The following DNAH5 variants were observed in gnomAD, a reference collection of about 807,000 sequenced individuals.
The protein encoded by DNAH5 is dynein axonemal heavy chain 5, also known as axonemal beta dynein heavy chain 5.
A neutral mutation model predicts 518.2 loss-of-function variants in DNAH5; 372 were observed. That is an observed-to-expected ratio of 0.72 (90% CI 0.66 to 0.78). The LOEUF (loss-of-function observed/expected upper bound fraction) is 0.78. Among genes scored for constraint, DNAH5 ranks in the 30% least tolerant of loss-of-function variants. The probability of loss-of-function intolerance (pLI) is 0.00; values close to 1 mark genes in which losing one functional copy is unlikely to be tolerated. For missense variants in DNAH5, 5,523 were observed against 5,687.0 expected, an observed-to-expected ratio of 0.97 and a Z score of 0.93; for synonymous variants, 2,039 against 2,025.9, an observed-to-expected ratio of 1.01 and a Z score of -0.17.
chr5:13,891,055 T>A lies in DNAH5; in HGVS notation c.2498A>T (p.Glu833Val). Residue 833 changes from glutamate (E) to valine (V), a missense_variant, in exon 17 of 79, where the codon GAA (glutamate) becomes GTA (valine). Transcript: ENST00000265104. ...LIEFRIDAIL[E>V]EMSSTPLCQL... ...ACAAAGAGGCGTGCTGCTCATTTCT[T>A]CTAGAATGGCATCAATGCGGAACTC... is the stretch of plus-strand genomic sequence containing the variant. 1 of 1,614,164 alleles carries A rather than the reference T, an allele frequency of 6.2e-7. No homozygotes were observed. Among genetic ancestry groups the A allele is most frequent in the African/African-American group, 1.3e-5 (1 of 75,048 alleles).
Position 13,762,843 on chromosome 5 carries a change from T to C in DNAH5, c.10160A>G (p.Glu3387Gly). Residue 3387 changes from glutamate (E) to glycine (G), a missense_variant, in exon 60 of 79, where the codon GAA (glutamate) becomes GGA (glycine). By Grantham distance (98) the Glu-to-Gly change is moderately conservative (BLOSUM62 -2). Transcript: ENST00000265104. ...AGTTTCGATGTTATAGTCAGGCATT[T>C]CAAAGTAAGGACTCAAAAATTCTAT... The part of the protein sequence containing the change: ...EVIEFLSPYF[E>G]MPDYNIETAK... 6.2e-7 allele frequency: 1 copy of C among 1,614,088 alleles called. No homozygotes were observed. The highest frequency in any genetic ancestry group is 2.2e-5 in the East Asian group (1 of 44,880).
At chr5:13,842,319 G>T (rs1285742252) in intron 32 of DNAH5, among the ~76,000 whole-genome samples, 2 of 151,872 alleles carry the variant, frequency 1.3e-5, no homozygotes, top group Non-Finnish European at 2.9e-5. Flanking sequence ...GGCGGAGGTT[G>T]CAGTGAGCCG....
rs913403268 is a variant in DNAH5 at position 13,691,724 on chromosome 5, T to C, written c.*260A>G. The stretch of plus-strand genomic sequence containing the variant: ...AAGAAGAAAATATACTACTGTGGAT[T>C]TGAGGGCCACACTTCATTAGGATGC... On this transcript the variant is annotated 3_prime_UTR_variant, in exon 79 of 79. Coordinates refer to ENST00000265104, the MANE Select transcript of DNAH5 (RefSeq NM_001369.3). 33 of 468,076 alleles carry C rather than the reference T, an allele frequency of 7.1e-5. No individual in the cohort carries two copies. Among genetic ancestry groups the C allele is most frequent in the Middle Eastern group, 6.1e-4 (1 of 1,630 alleles). The allele number at this position is 468,076 out of a possible 1,614,324, so 29.0% of individuals were successfully genotyped here. A position where few individuals can be genotyped will look rare whatever the true frequency, so the allele number is the denominator to read the frequency against.
rs148618423 is a variant in DNAH5 at position 13,731,552 on chromosome 5, A to G, written c.11762-1992T>C. Reference sequence around the variant, plus strand: ...CATATTCCTGAATAATGTGGTAACAAATTAAATAGACCCTTGATGAATAAA... The same window carrying G: ...CATATTCCTGAATAATGTGGTAACAGATTAAATAGACCCTTGATGAATAAA... On this transcript the variant is annotated intron_variant, in intron 68 of 78. Coordinates refer to ENST00000265104, the MANE Select transcript of DNAH5 (RefSeq NM_001369.3). Among the ~76,000 whole-genome samples the G allele has an allele frequency of 2.0e-5, 3 of 152,370 alleles. No homozygotes were observed. The East Asian group carries it at 5.8e-4, about 29-fold the overall frequency.
intron 66 of DNAH5, among the ~76,000 whole-genome samples, chr5:13,736,174 C>T (rs1342532072): frequency 2.6e-5 from 4 of 152,032 alleles, no homozygotes; most frequent in Admixed American, 2.0e-4. Context: ...TCTCTAGACC[C>T]CTCGCAACAA....
At chr5:13,719,874 A>C (rs1489384317) in intron 71 of DNAH5, among the ~76,000 whole-genome samples, 2 of 152,194 alleles carry the variant, frequency 1.3e-5, no homozygotes, top group Non-Finnish European at 2.9e-5. Flanking sequence ...GCCTTAGAAA[A>C]TAATAAGCCA....
Position 13,714,443 on chromosome 5 carries a change from T to C in DNAH5, c.13087A>G (p.Met4363Val). Residue 4363 changes from methionine to valine, a missense_variant, in exon 75 of 79, where the codon ATG becomes GTG. Transcript: ENST00000265104. ...TAGTCTGGGGGCAGCTTCTCCAGCA[T>C]ATCATCAGCCAGCCGGGCCACCACC... is the stretch of plus-strand genomic sequence containing the variant. ...EAVVARLADD[M>V]LEKLPPDYVP... 3 of 1,614,198 alleles carry C rather than the reference T, an allele frequency of 1.9e-6. No individual in the cohort carries two copies. The highest frequency in any genetic ancestry group is 2.5e-6 in the Non-Finnish European group (3 of 1,180,016).
At chr5:13,697,019 A>C (rs1741479396) in intron 78 of DNAH5, among the ~76,000 whole-genome samples, 1 of 152,208 alleles carries the variant, frequency 6.6e-6, no homozygotes, top group African/African-American at 2.4e-5. Context: ...TATTACTACC[A>C]TGCTGAGATG....
At position 13,786,361 on chromosome 5, in the gene DNAH5, G is replaced by C; in HGVS notation, c.8648-10C>G. On this transcript the variant is annotated splice_polypyrimidine_tract_variant and intron_variant, in intron 51 of 78. Coordinates refer to ENST00000265104, the MANE Select transcript of DNAH5 (RefSeq NM_001369.3). ...TCTTCAGATGTTTCACCTTTGGTGGGAAATAAGAATCAGTTAAGTTTCTGC... is the reference window on the plus strand; with the variant it reads ...TCTTCAGATGTTTCACCTTTGGTGGCAAATAAGAATCAGTTAAGTTTCTGC... 1 of 1,613,602 alleles carries C rather than the reference G, an allele frequency of 6.2e-7. No homozygotes were observed. The highest frequency in any genetic ancestry group is 8.5e-7 in the Non-Finnish European group (1 of 1,179,888).
intron 4 of DNAH5, among the ~76,000 whole-genome samples, chr5:13,922,801 T>C (rs1164126845): frequency 6.6e-6 from 1 of 151,248 alleles, no homozygotes; most frequent in South Asian, 2.1e-4. Context: ...TAAATTGTAA[T>C]CATCAAAATA....
At chr5:13,789,835 C>T (rs575507883) in intron 50 of DNAH5, among the ~76,000 whole-genome samples, 1 of 152,242 alleles carries the variant, frequency 6.6e-6, no homozygotes, top group East Asian at 1.9e-4. Flanking sequence ...AATATTCACG[C>T]CGCTAAACTG....
intron 12 of DNAH5, among the ~76,000 whole-genome samples, chr5:13,906,921 A>G (rs1406236563): frequency 1.5e-5 from 1 of 66,390 alleles, no homozygotes; most frequent in African/African-American, 3.7e-5. Flanking sequence ...CAGTTGAAGA[A>G]AGGTAAAAAT....
In DNAH5 at chr5:13,940,218, T is replaced by C. The variant is rs187095963; in HGVS notation, c.57+4164A>G. 3.3e-3 allele frequency among the ~76,000 whole-genome samples: 498 copies of C among 152,044 alleles called. 3 individuals carry two copies. The highest frequency in any genetic ancestry group is 0.011 in the African/African-American group (475 of 41,458). On this transcript the variant is annotated intron_variant, in intron 1 of 78. Transcript: ENST00000265104. Reference sequence around the variant, plus strand: ...CCATCATCCAAATTCTAACTTAGAGTCTGTTTTCTGCACACCAAATTTCTG... The same window carrying C: ...CCATCATCCAAATTCTAACTTAGAGCCTGTTTTCTGCACACCAAATTTCTG...
intron 1 of DNAH5, among the ~76,000 whole-genome samples, chr5:13,934,287 C>A (rs986940482): frequency 2.6e-5 from 4 of 152,146 alleles, no homozygotes; most frequent in African/African-American, 9.7e-5. Flanking sequence ...GATGTTCCAA[C>A]CTAAGTTTCC....
intron 7 of DNAH5, 74 bp downstream of exon 7, chr5:13,919,102 C>T: frequency 1.9e-6 from 3 of 1,567,234 alleles, no homozygotes; most frequent in South Asian, 2.2e-5. Context: ...TGTTCCTAAT[C>T]ACTCTATGCC....
chr5:13,773,515 T>C (rs1339255949), intron 55 of DNAH5, among the ~76,000 whole-genome samples: 1 of 152,162 alleles, frequency 6.6e-6, no homozygotes, highest in Non-Finnish European at 1.5e-5. Context: ...AAGGCCATAT[T>C]ATGGAAAGAT....
In DNAH5 at chr5:13,737,325, C is replaced by G. The variant is rs1431853289; in HGVS notation, c.11382G>C (p.Glu3794Asp). Residue 3794 changes from glutamate (E) to aspartate (D), a missense_variant, in exon 66 of 79, where the codon GAG (glutamate) becomes GAC (aspartate). Physicochemically the swap from Glu to Asp is conservative, Grantham distance 45. Around this residue, in one of 3 missense-constraint regions of DNAH5, gnomAD observed 5,121 missense variants for 5,223.3 expected, o/e 0.98. Coordinates refer to ENST00000265104, the MANE Select transcript of DNAH5 (RefSeq NM_001369.3). The part of the protein sequence containing the change: ...VLSNTKRTAE[E>D]VTQKLEISAE... The stretch of plus-strand genomic sequence containing the variant: ...CAGAAATTTCTAGCTTCTGTGTCAC[C>G]TCCTCGGCTGTCCTTTTTGTGTTAC... The G allele has an allele frequency of 1.2e-6, 2 of 1,614,068 alleles. No homozygotes were observed. Among genetic ancestry groups the G allele is most frequent in the African/African-American group, 2.7e-5 (2 of 75,014 alleles).
In DNAH5 at chr5:13,830,151, GAA is replaced by G; in HGVS notation, c.6122_6123del (p.Val2041AlafsTer15). 6.2e-7 allele frequency: 1 copy of G among 1,614,010 alleles called. No homozygotes were observed. Among genetic ancestry groups the G allele is most frequent in the Non-Finnish European group, 8.5e-7 (1 of 1,179,926 alleles). On this transcript the variant is annotated frameshift_variant, in exon 37 of 79. Coordinates refer to ENST00000265104, the MANE Select transcript of DNAH5 (RefSeq NM_001369.3). LOFTEE classifies it high-confidence loss of function. ...GAAATTTGCTGGGCTGCAACCGAGAGAACTGGTAGATCAATACGGTTAAATTC... is the reference window on the plus strand; with the variant it reads ...GAAATTTGCTGGGCTGCAACCGAGAGCTGGTAGATCAATACGGTTAAATTC... ...FDEFNRIDLP[V>X]LSVAAQQISI...
In DNAH5 at chr5:13,777,839, T is replaced by G. The variant is rs149841160; in HGVS notation, c.8952-484A>C. On this transcript the variant is annotated intron_variant, in intron 53 of 78. Coordinates refer to ENST00000265104, the MANE Select transcript of DNAH5 (RefSeq NM_001369.3). The stretch of plus-strand genomic sequence containing the variant: ...CAACACCGTTATCATCATTGCATGT[T>G]TGTATTATACATAAATAAACTTGTT... 2.4e-3 allele frequency among the ~76,000 whole-genome samples: 358 copies of G among 152,274 alleles called. 4 individuals are homozygous for G. The highest frequency in any genetic ancestry group is 8.4e-3 in the African/African-American group (349 of 41,566).
Sources: allele counts gnomAD v4.1 joint callset (sites outside exome capture counted in the v4.1 genomes callset), GRCh38; gene constraint gnomAD v4.1.1; regional missense constraint gnomAD v4.1.1; transcripts MANE v1.5; gene names NCBI Gene and HGNC (gene_info 2026-07-23, HGNC 2026-07-21).